TENM4: variants seen among roughly 807,000 people sequenced by gnomAD.
TENM4 encodes the protein teneurin-4.
A neutral mutation model predicts 243.3 loss-of-function variants in TENM4; 82 were observed. The ratio of observed to expected loss-of-function variants is 0.34; its 90% CI spans 0.28 to 0.40. The LOEUF (loss-of-function observed/expected upper bound fraction) is 0.40. Among genes scored for constraint, TENM4 ranks in the 10% least tolerant of loss-of-function variants. TENM4 has a pLI of 1.00. For missense variants in TENM4, 3,138 were observed against 3,673.3 expected, an observed-to-expected ratio of 0.85 and a Z score of 3.77; for synonymous variants, 1,412 against 1,456.3, an observed-to-expected ratio of 0.97 and a Z score of 0.69.
chr11:79,170,236 G>A lies in TENM4; in HGVS notation c.-162-21430C>T, dbSNP rs140432025. ...AAGTTCATGAAGGCTTGGGTGGGAA[G>A]TTGGGAACATAAGACTCTGTCACAT... On this transcript the variant is annotated intron_variant, in intron 3 of 33. Coordinates refer to ENST00000278550, the MANE Select transcript of TENM4 (RefSeq NM_001098816.3). 2.3e-3 allele frequency among the ~76,000 whole-genome samples: 353 copies of A among 152,280 alleles called. 1 individual carries two copies. The highest frequency in any genetic ancestry group is 7.9e-3 in the African/African-American group (327 of 41,558).
intron 1 of TENM4, among the ~76,000 whole-genome samples, chr11:79,355,211 G>A (rs1383016133): frequency 1.3e-5 from 2 of 152,180 alleles, no homozygotes; most frequent in African/African-American, 2.4e-5. Context: ...ACTTGATTGT[G>A]AACTTAGGTG....
chr11:79,054,991 G>T (rs1859905532), intron 6 of TENM4, among the ~76,000 whole-genome samples: 1 of 151,834 alleles, frequency 6.6e-6, no homozygotes, highest in Non-Finnish European at 1.5e-5. Flanking sequence ...AGCCAGGCGT[G>T]GTGGCAGAAC....
intron 3 of TENM4, among the ~76,000 whole-genome samples, chr11:79,195,769 T>C (rs1451306624): frequency 6.6e-6 from 1 of 152,192 alleles, no homozygotes; most frequent in East Asian, 1.9e-4. Context: ...TTTAGGTTGA[T>C]GCTAAAATGA....
intron 26 of TENM4, among the ~76,000 whole-genome samples, chr11:78,711,660 T>G (rs1388954422): frequency 6.6e-6 from 1 of 152,182 alleles, no homozygotes; most frequent in Non-Finnish European, 1.5e-5. Context: ...ATCCTGGGGC[T>G]GAGACACTGT....
At chr11:79,140,139 A>G (rs1862259216) in intron 4 of TENM4, among the ~76,000 whole-genome samples, 1 of 151,452 alleles carries the variant, frequency 6.6e-6, no homozygotes, top group Admixed American at 6.6e-5. Context: ...CTCAACTTCA[A>G]CTCCCCAGAA....
intron 19 of TENM4, among the ~76,000 whole-genome samples, chr11:78,750,383 G>C (rs906364048): frequency 1.3e-5 from 2 of 152,232 alleles, no homozygotes; most frequent in Non-Finnish European, 2.9e-5. Flanking sequence ...CCTGCAATTT[G>C]ATAAATGATG....
rs543920621 is a variant in TENM4 at position 78,899,550 on chromosome 11, C to G, written c.749+3718G>C. The stretch of plus-strand genomic sequence containing the variant: ...TCAGGATCATGCCACTGCACTCTGT[C>G]TCAAAAAGCGGGGGGGGGGGGAAAA... On this transcript the variant is annotated intron_variant, in intron 7 of 33. Transcript: ENST00000278550. Among the ~76,000 whole-genome samples, 198 of 97,152 alleles carry G rather than the reference C, an allele frequency of 2.0e-3. 2 individuals carry two copies. The highest frequency in any genetic ancestry group is 8.8e-3 in the African/African-American group (183 of 20,700). The allele number at this position is 97,152 out of a possible 152,430, so 63.7% of individuals were successfully genotyped here.
At chr11:78,961,505 A>G (rs1857319995) in intron 6 of TENM4, among the ~76,000 whole-genome samples, 1 of 152,186 alleles carries the variant, frequency 6.6e-6, no homozygotes, top group South Asian at 2.1e-4. Flanking sequence ...TCAGAATAAG[A>G]GAGCTTGCAG....
rs376498178 is a variant in TENM4 at position 79,141,881 on chromosome 11, T to G, written c.-66+6829A>C. On this transcript the variant is annotated intron_variant, in intron 4 of 33. Transcript: ENST00000278550. ...AATGTGATATATCATATTAATAGAA[T>G]GAAGAATGAAAATCATATAATCATT... Among the ~76,000 whole-genome samples the G allele has an allele frequency of 1.6e-4, 24 of 152,082 alleles. 1 individual carries two copies. Among genetic ancestry groups the G allele is most frequent in the Admixed American group, 3.9e-4 (6 of 15,248 alleles).
intron 1 of TENM4, among the ~76,000 whole-genome samples, chr11:79,348,848 G>A (rs1161008968): frequency 6.6e-6 from 1 of 152,208 alleles, no homozygotes; most frequent in African/African-American, 2.4e-5. Flanking sequence ...AGAAAATGGG[G>A]ATAATTATAA....
chr11:79,365,772 G>A (rs2135500364), intron 1 of TENM4, among the ~76,000 whole-genome samples: 1 of 152,254 alleles, frequency 6.6e-6, no homozygotes, highest in East Asian at 1.9e-4. Flanking sequence ...CAGATCTCAG[G>A]GGGTCTGGGA....
chr11:79,139,757 T>TTA (rs1443289460), intron 4 of TENM4, among the ~76,000 whole-genome samples: 13 of 20,350 alleles, frequency 6.4e-4, no homozygotes, highest in African/African-American at 2.1e-3. Flanking sequence ...ATAATATATA[T>TTA]TATATTTATA....
At chr11:78,689,639 C>T (rs767469071) in intron 28 of TENM4, among the ~76,000 whole-genome samples, 2 of 152,176 alleles carry the variant, frequency 1.3e-5, no homozygotes, top group Non-Finnish European at 2.9e-5. Context: ...GGGTCTGCAG[C>T]TCCTATGGTA....
intron 2 of TENM4, among the ~76,000 whole-genome samples, chr11:79,216,883 C>A (rs927337103): frequency 6.6e-6 from 1 of 152,098 alleles, no homozygotes; most frequent in African/African-American, 2.4e-5. Context: ...TGGAATGGGT[C>A]GATCTTCCTG....
chr11:79,217,293 C>A (rs199928121), intron 2 of TENM4, among the ~76,000 whole-genome samples: 1 of 152,134 alleles, frequency 6.6e-6, no homozygotes, highest in Non-Finnish European at 1.5e-5. Context: ...GGTCCCTGTA[C>A]TTTTCCTGCC....
intron 1 of TENM4, among the ~76,000 whole-genome samples, chr11:79,409,920 C>G (rs532536302): frequency 2.6e-5 from 4 of 152,220 alleles, no homozygotes; most frequent in African/African-American, 9.6e-5. Flanking sequence ...ACAGTGGTAA[C>G]CTAATCATTA....
chr11:78,889,695 A>G, intron 9 of TENM4, 90 bp downstream of exon 9: 2 of 1,362,348 alleles, frequency 1.5e-6, no homozygotes, highest in Non-Finnish European at 2.0e-6. Context: ...CTGCCATGCT[A>G]GTAAGGAGCC....
At chr11:79,374,844 G>T (rs1857860444) in intron 1 of TENM4, among the ~76,000 whole-genome samples, 1 of 152,180 alleles carries the variant, frequency 6.6e-6, no homozygotes, top group African/African-American at 2.4e-5. Context: ...TACGAAGCAG[G>T]CGAATGCGGT....
At chr11:79,364,459 G>C (rs1857643054) in intron 1 of TENM4, among the ~76,000 whole-genome samples, 1 of 152,122 alleles carries the variant, frequency 6.6e-6, no homozygotes, top group Non-Finnish European at 1.5e-5. Context: ...CCATCAGAAG[G>C]TGGCTCCAAA....
Sources: gnomAD v4.1 joint callset for allele counts (sites outside exome capture counted in the v4.1 genomes callset) on GRCh38, gnomAD v4.1.1 for gene constraint, MANE v1.5 for transcripts, NCBI Gene and HGNC (gene_info 2026-07-23, HGNC 2026-07-21) for gene names.